HIP1: variants seen among roughly 807,000 people sequenced by gnomAD.
The protein encoded by HIP1 is huntingtin-interacting protein 1.
In HIP1, 65 loss-of-function variants were observed where a neutral mutation model predicts 147.6. That is an observed-to-expected ratio of 0.44 (90% CI 0.36 to 0.54). The LOEUF (loss-of-function observed/expected upper bound fraction) is 0.54. HIP1 is among the 20% of genes least tolerant of loss of function. HIP1 has a pLI of 0.00. For missense variants in HIP1, 1,061 were observed against 1,299.6 expected, an observed-to-expected ratio of 0.82 and a Z score of 2.82; for synonymous variants, 479 against 504.0, an observed-to-expected ratio of 0.95 and a Z score of 0.67.
intron 24 of HIP1, among the ~76,000 whole-genome samples, chr7:75,547,467 C>T (rs1794611642): frequency 6.6e-6 from 1 of 152,096 alleles, no homozygotes; most frequent in Admixed American, 6.6e-5. Context: ...GACTTTTCAC[C>T]ACATTGGGCA....
chr7:75,638,828 C>A (rs1008734995), intron 1 of HIP1, among the ~76,000 whole-genome samples: 2 of 152,168 alleles, frequency 1.3e-5, no homozygotes, highest in Non-Finnish European at 2.9e-5. Flanking sequence ...GGCAGCCCGG[C>A]GGCGGCGCGG....
intron 1 of HIP1, among the ~76,000 whole-genome samples, chr7:75,699,627 T>G (rs2117320440): frequency 6.6e-6 from 1 of 152,342 alleles, no homozygotes; most frequent in South Asian, 2.1e-4. Context: ...GACGCCAGTC[T>G]GTGGCCTCTG....
intron 1 of HIP1, among the ~76,000 whole-genome samples, chr7:75,663,340 T>C (rs1554513919): frequency 6.6e-6 from 1 of 152,080 alleles, no homozygotes; most frequent in African/African-American, 2.4e-5. Flanking sequence ...GGCGTACACC[T>C]ATAGTCCCAG....
intron 1 of HIP1, among the ~76,000 whole-genome samples, chr7:75,673,351 T>A (rs2705830): frequency 6.6e-6 from 1 of 151,336 alleles, no homozygotes; most frequent in Admixed American, 6.6e-5. Context: ...ACTGTTTTGC[T>A]TATTTGGGAT....
chr7:75,660,454 G>C (rs182695089), intron 1 of HIP1, among the ~76,000 whole-genome samples: 3 of 152,046 alleles, frequency 2.0e-5, no homozygotes, highest in Admixed American at 6.6e-5. Context: ...TTGAACCCAC[G>C]AGGCAGAGGT....
intron 1 of HIP1, among the ~76,000 whole-genome samples, chr7:75,658,685 G>T (rs1157505800): frequency 6.6e-6 from 1 of 152,086 alleles, no homozygotes; most frequent in Non-Finnish European, 1.5e-5. Context: ...GGAGGCCGAG[G>T]TAGCAGGATC....
At chr7:75,731,158 T>C (rs1482497235) in intron 1 of HIP1, among the ~76,000 whole-genome samples, 7 of 151,584 alleles carry the variant, frequency 4.6e-5, no homozygotes, top group South Asian at 2.1e-4. Context: ...AGGAGCAAGG[T>C]TGGGGAGATA....
In HIP1 at chr7:75,544,685, C is replaced by G; in HGVS notation, c.2766+10G>C. ...CTTCCAGCGTCCTAGGAGGTCCAGC[C>G]AGGTCCTACCTTGGATGCAGCCACA... On this transcript the variant is annotated intron_variant, in intron 27 of 30. Coordinates refer to ENST00000336926, the MANE Select transcript of HIP1 (RefSeq NM_005338.7). The G allele has an allele frequency of 2.6e-6, 4 of 1,568,578 alleles. No homozygotes were observed. Among genetic ancestry groups the G allele is most frequent in the Non-Finnish European group, 3.5e-6 (4 of 1,138,360 alleles).
chr7:75,563,881 A>AT (rs1282562353), intron 9 of HIP1, among the ~76,000 whole-genome samples: 2 of 151,962 alleles, frequency 1.3e-5, no homozygotes, highest in Non-Finnish European at 2.9e-5. Flanking sequence ...AGAAACCAAT[A>AT]TTTTTTTTCT....
intron 26 of HIP1, 52 bp from the exon 27 acceptor site, chr7:75,544,852 C>T: frequency 8.8e-7 from 1 of 1,134,748 alleles, no homozygotes. Flanking sequence ...AGCTGCAACT[C>T]CTCCACAATC....
At chr7:75,637,739 G>A (rs1798476677) in intron 1 of HIP1, among the ~76,000 whole-genome samples, 1 of 151,154 alleles carries the variant, frequency 6.6e-6, no homozygotes, top group Non-Finnish European at 1.5e-5. Context: ...CAACCCCAGG[G>A]GCAATGCTCA....
intron 1 of HIP1, among the ~76,000 whole-genome samples, chr7:75,719,858 G>T (rs1584977597): frequency 6.6e-6 from 1 of 152,184 alleles, no homozygotes; most frequent in Non-Finnish European, 1.5e-5. Flanking sequence ...AACCACTCCA[G>T]TCTTTAGACA....
At chr7:75,587,180 A>T (rs927077412) in intron 4 of HIP1, among the ~76,000 whole-genome samples, 7 of 152,190 alleles carry the variant, frequency 4.6e-5, no homozygotes, top group African/African-American at 1.7e-4. Context: ...GCCTTGAGTG[A>T]TCCACCTGCT....
intron 1 of HIP1, among the ~76,000 whole-genome samples, chr7:75,737,011 C>G (rs1395152390): frequency 6.6e-6 from 1 of 152,102 alleles, no homozygotes; most frequent in African/African-American, 2.4e-5. Flanking sequence ...CAGCCTCAGC[C>G]TCCTGGCTCA....
intron 1 of HIP1, among the ~76,000 whole-genome samples, chr7:75,658,901 C>T (rs782591876): frequency 7.2e-5 from 11 of 151,940 alleles, no homozygotes; most frequent in Non-Finnish European, 1.5e-4. Context: ...CTCAAAAAAA[C>T]CACACACATA....
At chr7:75,633,452 C>T (rs1402451258) in intron 1 of HIP1, among the ~76,000 whole-genome samples, 1 of 152,092 alleles carries the variant, frequency 6.6e-6, no homozygotes, top group Admixed American at 6.6e-5. Flanking sequence ...GCTGCCTCAC[C>T]TGGCTAATTT....
chr7:75,577,501 C>T (rs1490354176), intron 7 of HIP1, among the ~76,000 whole-genome samples: 2 of 152,138 alleles, frequency 1.3e-5, no homozygotes, highest in South Asian at 2.1e-4. Context: ...CTCCTGGATT[C>T]AAGCAATCTT....
At chr7:75,731,143 A>G (rs1801824769) in intron 1 of HIP1, among the ~76,000 whole-genome samples, 1 of 152,008 alleles carries the variant, frequency 6.6e-6, no homozygotes, top group Non-Finnish European at 1.5e-5. Context: ...TTCAATACCC[A>G]CTAAAGGAGC....
intron 14 of HIP1, 29 bp downstream of exon 14, chr7:75,559,703 G>GGCCGCCCCCCCCCCCC: frequency 1.7e-6 from 2 of 1,195,144 alleles, no homozygotes; most frequent in Non-Finnish European, 2.3e-6. Flanking sequence ...TGCCCCCGGG[G>GGCCGCCCCCCCCCCCC]CCCGCCCCCG....
Sources: allele counts gnomAD v4.1 joint callset (sites outside exome capture counted in the v4.1 genomes callset), GRCh38; gene constraint gnomAD v4.1.1; transcripts MANE v1.5; gene names NCBI Gene and HGNC (gene_info 2026-07-23, HGNC 2026-07-21).